SNTG1: variants seen among roughly 807,000 people sequenced by gnomAD.
The protein encoded by SNTG1 is gamma-1-syntrophin.
In SNTG1, 39 loss-of-function variants were observed where a neutral mutation model predicts 74.7. The observed-to-expected ratio is 0.52, with a 90% CI of 0.40 to 0.68. The LOEUF (loss-of-function observed/expected upper bound fraction) is 0.68. Ranked by LOEUF, SNTG1 falls within the 30% of genes least tolerant of loss-of-function variation. The probability of loss-of-function intolerance (pLI) is 0.00; values close to 1 mark genes in which losing one functional copy is unlikely to be tolerated. For missense variants in SNTG1, 685 were observed against 609.5 expected, an observed-to-expected ratio of 1.12 and a Z score of -1.30; for synonymous variants, 254 against 217.1, an observed-to-expected ratio of 1.17 and a Z score of -1.49.
At chr8:50,352,682 T>A (rs1357408320) in intron 2 of SNTG1, among the ~76,000 whole-genome samples, 1 of 152,172 alleles carries the variant, frequency 6.6e-6, no homozygotes, top group African/African-American at 2.4e-5. Flanking sequence ...TATACCAGGC[T>A]TTTGGTCCTT....
intron 1 of SNTG1, among the ~76,000 whole-genome samples, chr8:50,064,827 A>G (rs924196253): frequency 1.3e-5 from 2 of 152,118 alleles, no homozygotes; most frequent in African/African-American, 4.8e-5. Flanking sequence ...ACTCTTTACA[A>G]CCATGTCTGA....
At chr8:50,629,742 A>G (rs139097571) in intron 13 of SNTG1, among the ~76,000 whole-genome samples, 183 of 152,260 alleles carry the variant, frequency 1.2e-3, no homozygotes, top group African/African-American at 4.3e-3. Flanking sequence ...TAGTGACTTC[A>G]GAGTCATATT....
chr8:50,778,175 A>G (rs1461038444), intron 18 of SNTG1, among the ~76,000 whole-genome samples: 4 of 152,032 alleles, frequency 2.6e-5, no homozygotes, highest in African/African-American at 4.8e-5. Context: ...GTGTGCATGT[A>G]TTTTTATAGC....
chr8:50,393,883 A>C (rs1444085484), intron 2 of SNTG1, among the ~76,000 whole-genome samples: 1 of 152,190 alleles, frequency 6.6e-6, no homozygotes, highest in Admixed American at 6.5e-5. Context: ...AGGTTTCACA[A>C]TGCATGTTGG....
chr8:50,622,662 A>AAT (rs1411213730), intron 13 of SNTG1, among the ~76,000 whole-genome samples: 4 of 152,138 alleles, frequency 2.6e-5, no homozygotes, highest in African/African-American at 4.8e-5. Context: ...GGTAATAAAG[A>AAT]ATATATATGT....
At chr8:50,133,585 T>A (rs2131416143) in intron 1 of SNTG1, among the ~76,000 whole-genome samples, 1 of 152,248 alleles carries the variant, frequency 6.6e-6, no homozygotes, top group Admixed American at 6.5e-5. Flanking sequence ...CCATGCCCCC[T>A]CTGACATTCT....
intron 13 of SNTG1, among the ~76,000 whole-genome samples, chr8:50,599,578 T>G (rs1272859314): frequency 6.6e-6 from 1 of 152,084 alleles, no homozygotes; most frequent in Non-Finnish European, 1.5e-5. Context: ...CTTTCATTTC[T>G]TTGTTATTTG....
intron 1 of SNTG1, among the ~76,000 whole-genome samples, chr8:50,071,047 C>T (rs1483663667): frequency 1.3e-5 from 2 of 152,164 alleles, no homozygotes; most frequent in African/African-American, 4.8e-5. Context: ...GTTCTAAGGC[C>T]TGGACCCATA....
Position 49,914,361 on chromosome 8 carries a change from TAAA to T in SNTG1, c.-103+2143_-103+2145del, listed in dbSNP as rs10563690. Among the ~76,000 whole-genome samples the T allele has an allele frequency of 5.1e-3, 746 of 145,040 alleles. 3 individuals carry two copies. The highest frequency in any genetic ancestry group is 0.018 in the African/African-American group (684 of 38,820). On this transcript the variant is annotated intron_variant, in intron 1 of 18. Coordinates refer to ENST00000642720, the MANE Select transcript of SNTG1 (RefSeq NM_018967.5). ...ACCAAACACACTATCTTTTCCCCAT[TAAA>T]AAAAAAAAAAAAGTTTTATTGGATA...
At chr8:50,552,558 G>C (rs1257463651) in intron 11 of SNTG1, among the ~76,000 whole-genome samples, 1 of 152,138 alleles carries the variant, frequency 6.6e-6, no homozygotes, top group African/African-American at 2.4e-5. Flanking sequence ...AATGAGGGTG[G>C]AGAACAATGG....
At chr8:50,208,965 G>A (rs1016430853) in intron 2 of SNTG1, among the ~76,000 whole-genome samples, 5 of 152,074 alleles carry the variant, frequency 3.3e-5, no homozygotes, top group African/African-American at 9.7e-5. Context: ...AAGGGGTCTG[G>A]GAATTCCCTT....
At chr8:49,922,618 T>C (rs1806654474) in intron 1 of SNTG1, among the ~76,000 whole-genome samples, 1 of 152,110 alleles carries the variant, frequency 6.6e-6, no homozygotes, top group Admixed American at 6.6e-5. Context: ...CCTTAAAAGC[T>C]GTAGATAATG....
At chr8:50,775,574 A>G (rs1300557623) in intron 18 of SNTG1, among the ~76,000 whole-genome samples, 1 of 151,684 alleles carries the variant, frequency 6.6e-6, no homozygotes, top group Non-Finnish European at 1.5e-5. Flanking sequence ...AAACTTGCAA[A>G]TAATGTATAT....
At chr8:49,999,025 T>A (rs1814501525) in intron 1 of SNTG1, among the ~76,000 whole-genome samples, 4 of 152,166 alleles carry the variant, frequency 2.6e-5, no homozygotes, top group Admixed American at 2.6e-4. Flanking sequence ...ATGGCTACCA[T>A]GTCACCAGGC....
In SNTG1 at chr8:50,614,130, T is replaced by C. The variant is rs186331445; in HGVS notation, c.849+23213T>C. 7.6e-4 allele frequency among the ~76,000 whole-genome samples: 116 copies of C among 152,246 alleles called. 1 individual carries two copies. In the East Asian group the frequency reaches 0.018, roughly 23 times the overall value. On this transcript the variant is annotated intron_variant, in intron 13 of 18. Coordinates refer to ENST00000642720, the MANE Select transcript of SNTG1 (RefSeq NM_018967.5). ...TTTTTAATCAACATTTATTTAGATA[T>C]TATTTAATGACTTAAGAAACAATTG...
intron 1 of SNTG1, among the ~76,000 whole-genome samples, chr8:50,088,154 G>C: frequency 6.6e-6 from 1 of 151,092 alleles, no homozygotes; most frequent in Non-Finnish European, 1.5e-5. Context: ...GCGTATATGT[G>C]CCACATTTTC....
intron 2 of SNTG1, among the ~76,000 whole-genome samples, chr8:50,315,435 G>C (rs2090279260): frequency 6.7e-6 from 1 of 149,762 alleles, no homozygotes; most frequent in African/African-American, 2.5e-5. Flanking sequence ...TATAGTAAAA[G>C]AAATAAAAAA....
chr8:49,959,031 C>A (rs1385524218), intron 1 of SNTG1, among the ~76,000 whole-genome samples: 1 of 152,138 alleles, frequency 6.6e-6, no homozygotes, highest in Non-Finnish European at 1.5e-5. Context: ...GCAATATACA[C>A]GTTAAATTCA....
At chr8:50,239,381 T>TAA (rs1444899920) in intron 2 of SNTG1, among the ~76,000 whole-genome samples, 1 of 152,154 alleles carries the variant, frequency 6.6e-6, no homozygotes, top group Non-Finnish European at 1.5e-5. Context: ...TCAGGAAACT[T>TAA]ACAATCATGG....
Sources: gnomAD v4.1 joint callset for allele counts (sites outside exome capture counted in the v4.1 genomes callset) on GRCh38, gnomAD v4.1.1 for gene constraint, MANE v1.5 for transcripts, NCBI Gene and HGNC (gene_info 2026-07-23, HGNC 2026-07-21) for gene names.